Variants in NCOA3 observed in about 807,000 individuals in gnomAD.
NCOA3 encodes CBP-interacting protein.
In NCOA3, 51 loss-of-function variants were observed where a neutral mutation model predicts 158.8. The ratio of observed to expected loss-of-function variants is 0.32; its 90% CI spans 0.26 to 0.41. The LOEUF is 0.41. NCOA3 is among the 10% of genes least tolerant of loss of function. The pLI is 1.00. For missense variants in NCOA3, 1,510 were observed against 1,746.6 expected (o/e 0.86, Z 2.41); for synonymous variants, 537 against 592.4 (o/e 0.91, Z 1.36).
intron 21 of NCOA3, 138 bp from the exon 22 acceptor site, chr20:47,652,793 C>T: frequency 9.3e-7 from 1 of 1,077,168 alleles, no homozygotes. Context: ...AAATGGATCA[C>T]AGGCTGTCAG....
chr20:47,628,267 A>T (rs2146307531), intron 8 of NCOA3, among the ~76,000 whole-genome samples: 1 of 152,270 alleles, frequency 6.6e-6, no homozygotes, highest in African/African-American at 2.4e-5. Flanking sequence ...ATTAAAAAAA[A>T]AATTTAGGGG....
chr20:47,584,513 G>A (rs1179913316), intron 2 of NCOA3, among the ~76,000 whole-genome samples: 3 of 151,130 alleles, frequency 2.0e-5, no homozygotes, highest in African/African-American at 7.3e-5. Flanking sequence ...CCAGCTACTC[G>A]AAAAGCTGAG....
Position 47,653,594 on chromosome 20 carries a change from C to A in NCOA3, c.*177C>A. 3 of 735,250 alleles carry A rather than the reference C, an allele frequency of 4.1e-6. No individual in the cohort carries two copies. Among genetic ancestry groups the A allele is most frequent in the Non-Finnish European group, 6.9e-6 (3 of 437,108 alleles). 45.5% of individuals were successfully genotyped at this position (735,250 alleles called of 1,614,324 possible). A position where few individuals can be genotyped will look rare whatever the true frequency, so the allele number is the denominator to read the frequency against. ...CAGGACTGGATTTTAAGCCGAAGGG[C>A]AATATCTACGTGTTTTTCCCCCCTC... On this transcript the variant is annotated 3_prime_UTR_variant, in exon 23 of 23. Coordinates refer to ENST00000371998, the MANE Select transcript of NCOA3 (RefSeq NM_181659.3).
intron 2 of NCOA3, among the ~76,000 whole-genome samples, chr20:47,611,748 C>T (rs1248033340): frequency 1.3e-5 from 2 of 151,994 alleles, no homozygotes; most frequent in Non-Finnish European, 2.9e-5. Flanking sequence ...GCCGAGATTG[C>T]GCCACTGCAC....
intron 8 of NCOA3, among the ~76,000 whole-genome samples, chr20:47,629,160 C>T (rs916015154): frequency 2.0e-5 from 3 of 152,182 alleles, no homozygotes; most frequent in East Asian, 1.9e-4. Context: ...ATATAATATA[C>T]ATAATGCAGA....
At chr20:47,540,855 G>A (rs2084714892) in intron 1 of NCOA3, among the ~76,000 whole-genome samples, 1 of 152,104 alleles carries the variant, frequency 6.6e-6, no homozygotes, top group Admixed American at 6.6e-5. Context: ...GATTGTTTGG[G>A]GCTGGGGTAA....
rs142935213 is a variant in NCOA3 at position 47,633,177 on chromosome 20, C to T, written c.824-319C>T. ...CATCAGCATAAATTGAGGTGTGTTC[C>T]AAAGGGGCTCTTTATGAATAACTTG... On this transcript the variant is annotated intron_variant, in intron 8 of 22. Coordinates refer to ENST00000371998, the MANE Select transcript of NCOA3 (RefSeq NM_181659.3). Among the ~76,000 whole-genome samples, 18 of 152,236 alleles carry T rather than the reference C, an allele frequency of 1.2e-4. No individual in the cohort carries two copies. The East Asian group carries it at 3.1e-3, about 26-fold the overall frequency.
At chr20:47,633,922 G>A in intron 9 of NCOA3, 126 bp from the exon 10 acceptor site, 2 of 1,229,040 alleles carry the variant, frequency 1.6e-6, no homozygotes, top group Non-Finnish European at 2.3e-6. Context: ...TGATGATTTT[G>A]GTGCAGATCC....
chr20:47,523,911 C>T (rs1205579274), intron 1 of NCOA3, among the ~76,000 whole-genome samples: 2 of 152,226 alleles, frequency 1.3e-5, no homozygotes, highest in Admixed American at 1.3e-4. Flanking sequence ...CAGCAATTCC[C>T]ACAAGTGTGG....
chr20:47,510,448 G>A (rs867006462), intron 1 of NCOA3, among the ~76,000 whole-genome samples: 63 of 30,122 alleles, frequency 2.1e-3, no homozygotes, highest in Non-Finnish European at 3.3e-3. Flanking sequence ...AAAAAAAAAA[G>A]TACACGATCA....
intron 1 of NCOA3, among the ~76,000 whole-genome samples, chr20:47,520,970 C>T (rs1017745408): frequency 2.0e-5 from 3 of 152,240 alleles, no homozygotes; most frequent in Non-Finnish European, 4.4e-5. Flanking sequence ...AACAACACCG[C>T]AAGTACGGTT....
chr20:47,519,933 T>C (rs368245718), intron 1 of NCOA3, among the ~76,000 whole-genome samples: 5 of 151,956 alleles, frequency 3.3e-5, no homozygotes, highest in African/African-American at 7.2e-5. Context: ...CTGGCTAATA[T>C]TTGTATTTTT....
intron 16 of NCOA3, among the ~76,000 whole-genome samples, chr20:47,641,124 A>G (rs1160762214): frequency 2.0e-5 from 3 of 150,364 alleles, no homozygotes; most frequent in Admixed American, 6.6e-5. Flanking sequence ...ATAGAGAGCA[A>G]ATAGTTTCAA....
intron 1 of NCOA3, among the ~76,000 whole-genome samples, chr20:47,569,871 G>A (rs1006079859): frequency 5.3e-5 from 8 of 150,870 alleles, no homozygotes; most frequent in South Asian, 2.1e-4. Context: ...TTAGCTGGAC[G>A]TGGCGGCGGG....
At chr20:47,515,308 G>A (rs543274976) in intron 1 of NCOA3, among the ~76,000 whole-genome samples, 6 of 151,426 alleles carry the variant, frequency 4.0e-5, no homozygotes, top group East Asian at 2.0e-4. Context: ...GACTACAGGC[G>A]CGCACCACCA....
intron 1 of NCOA3, among the ~76,000 whole-genome samples, chr20:47,540,417 A>G (rs2084703735): frequency 6.6e-6 from 1 of 152,068 alleles, no homozygotes; most frequent in Non-Finnish European, 1.5e-5. Flanking sequence ...TACTAAAAAT[A>G]CAAAAATTAG....
chr20:47,508,109 T>A (rs540883475), intron 1 of NCOA3, among the ~76,000 whole-genome samples: 147 of 152,248 alleles, frequency 9.7e-4, no homozygotes, highest in Non-Finnish European at 1.3e-3. Flanking sequence ...CATATAAATA[T>A]GAAAATTTTC....
At chr20:47,604,676 G>A (rs896695888) in intron 2 of NCOA3, among the ~76,000 whole-genome samples, 53 of 152,156 alleles carry the variant, frequency 3.5e-4, no homozygotes, top group African/African-American at 1.2e-3. Context: ...GGGCTCAAGT[G>A]AGCCTCCCAC....
At chr20:47,542,299 T>C (rs2084757109) in intron 1 of NCOA3, among the ~76,000 whole-genome samples, 1 of 151,672 alleles carries the variant, frequency 6.6e-6, no homozygotes, top group Non-Finnish European at 1.5e-5. Context: ...CTTGGCCTCC[T>C]AAAGTGCTGG....
Sources: allele counts gnomAD v4.1 joint callset (sites outside exome capture counted in the v4.1 genomes callset), GRCh38; gene constraint gnomAD v4.1.1; transcripts MANE v1.5; gene names NCBI Gene and HGNC (gene_info 2026-07-23, HGNC 2026-07-21).